SETSIP: variants seen among roughly 807,000 people sequenced by gnomAD.
The protein encoded by SETSIP is protein SETSIP.
In SETSIP, 15 loss-of-function variants were observed where a neutral mutation model predicts 21.9. The observed-to-expected ratio is 0.69, with a 90% CI of 0.46 to 1.06. SETSIP has a LOEUF of 1.06. Ranked by LOEUF, SETSIP falls within the 50% of genes least tolerant of loss-of-function variation. The pLI is 0.00. For synonymous variants in SETSIP, 101 were observed against 121.2 expected (o/e 0.83, Z 1.09); for missense variants, 310 against 337.4 (o/e 0.92, Z 0.64).
At chr1:92,074,651 C>CCATCATCATCATCAT (rs370013355) in exon 1 of SETSIP, 2 of 1,578,208 alleles carry the variant, frequency 1.3e-6, no homozygotes, top group Non-Finnish European at 1.7e-6. Context: ...CCCTTCATCA[C>CCATCATCATCATCAT]CATCATCATC....
chr1:92,074,539 A>G (rs574191197), exon 1 of SETSIP: 30 of 1,576,304 alleles, frequency 1.9e-5, no homozygotes, highest in Admixed American at 7.6e-5. Flanking sequence ...TCTATTAGTC[A>G]TCTTCTCCTT....
At chr1:92,074,723 A>G in exon 1 of SETSIP, 8 of 1,606,270 alleles carry the variant, frequency 5.0e-6, no homozygotes. Context: ...GTAATACTGT[A>G]ATGGGTTTGG....
exon 1 of SETSIP, chr1:92,075,052 C>T: frequency 6.2e-7 from 1 of 1,611,838 alleles, no homozygotes; most frequent in Non-Finnish European, 8.5e-7. Flanking sequence ...CAACTTTAGT[C>T]AAATAATGCA....
chr1:92,074,906 G>C, exon 1 of SETSIP: 1 of 1,611,650 alleles, frequency 6.2e-7, no homozygotes, highest in Non-Finnish European at 8.5e-7. Context: ...TTTGATTTTG[G>C]TGGACTTTGA....
chr1:92,074,779 A>C, exon 1 of SETSIP: 1 of 1,611,080 alleles, frequency 6.2e-7, no homozygotes, highest in Non-Finnish European at 8.5e-7. Context: ...CAGCACCTGC[A>C]TCAGAATGAT....
exon 1 of SETSIP, chr1:92,075,104 G>T (rs1417421962): frequency 1.2e-5 from 19 of 1,611,846 alleles, no homozygotes; most frequent in Non-Finnish European, 1.6e-5. Flanking sequence ...AGACACTTGT[G>T]GATGGTTGAC....
exon 1 of SETSIP, chr1:92,075,361 T>A: frequency 6.2e-7 from 1 of 1,608,828 alleles, no homozygotes; most frequent in Non-Finnish European, 8.5e-7. Context: ...CAGGAGGTGG[T>A]CTTGGTTTCT....
chr1:92,074,580 C>T, exon 1 of SETSIP: 1 of 1,566,974 alleles, frequency 6.4e-7, no homozygotes, highest in Non-Finnish European at 8.6e-7. Flanking sequence ...CCTTCATCAT[C>T]ATCTTCATCT....
chr1:92,075,180 G>A lies in SETSIP; in HGVS notation c.232C>T (p.Gln78Ter). ...TCTGACCTCTTCTGAAAAAATGGTT[G>A]GCGGAGTTTGTTATATTTCTGTTCT... Residue 78 changes from glutamine (Q) to a stop codon, truncating the protein, a stop_gained, in exon 1 of 1, where the codon CAA (glutamine) becomes TAA (stop). Transcript: ENST00000596516. LOFTEE classifies it high-confidence loss of function. The A allele has an allele frequency of 6.2e-7, 1 of 1,611,662 alleles. No homozygotes were observed. The highest frequency in any genetic ancestry group is 8.5e-7 in the Non-Finnish European group (1 of 1,179,750).
exon 1 of SETSIP, chr1:92,074,631 A>G: frequency 1.3e-6 from 2 of 1,570,654 alleles, no homozygotes; most frequent in Non-Finnish European, 1.7e-6. Context: ...ATATCTTCTA[A>G]TTCTTCCTCC....
exon 1 of SETSIP, chr1:92,075,146 G>A: frequency 3.1e-6 from 5 of 1,611,766 alleles, no homozygotes; most frequent in African/African-American, 1.3e-5. Context: ...TGGGATTTTG[G>A]CGATCAATTC....
exon 1 of SETSIP, chr1:92,075,038 A>T: frequency 6.2e-7 from 1 of 1,611,936 alleles, no homozygotes; most frequent in Non-Finnish European, 8.5e-7. Context: ...AAATTCTGTC[A>T]CTTCAACTTT....
exon 1 of SETSIP, chr1:92,074,737 A>G (rs1237303116): frequency 6.8e-6 from 11 of 1,608,170 alleles, no homozygotes; most frequent in Non-Finnish European, 9.3e-6. Flanking sequence ...GGTTTGGCCA[A>G]ATATCATCTT....
exon 1 of SETSIP, chr1:92,075,389 G>T: frequency 1.3e-6 from 2 of 1,596,128 alleles, no homozygotes; most frequent in East Asian, 4.5e-5. Context: ...AAGTGGGAGT[G>T]GAGACTGGCG....
In SETSIP at chr1:92,074,998, A is replaced by ATT; in HGVS notation, c.413_414insAA (p.Asp138GlufsTer22). 1.9e-6 allele frequency: 3 copies of ATT among 1,611,554 alleles called. No individual in the cohort carries two copies. The highest frequency in any genetic ancestry group is 2.2e-5 in the East Asian group (1 of 44,878). ...AGTAAGGATTTTCATCAAAATAAAA[A>ATT]TCTATTCTGTAACCTGATTTAATAT... On this transcript the variant is annotated frameshift_variant, in exon 1 of 1. Transcript: ENST00000596516. LOFTEE classifies it high-confidence loss of function.
exon 1 of SETSIP, chr1:92,075,076 C>G: frequency 1.2e-6 from 2 of 1,611,846 alleles, no homozygotes; most frequent in Non-Finnish European, 1.7e-6. Flanking sequence ...CCTCTTCGTC[C>G]TCCTCCCCAA....
At chr1:92,074,689 T>A in exon 1 of SETSIP, 3 of 1,594,714 alleles carry the variant, frequency 1.9e-6, no homozygotes. Flanking sequence ...CTCCTCCTTC[T>A]TCATCATCCA....
At chr1:92,074,760 C>G (rs1647804574) in exon 1 of SETSIP, 6 of 1,610,594 alleles carry the variant, frequency 3.7e-6, no homozygotes, top group Non-Finnish European at 5.1e-6. Flanking sequence ...ATGACCTCTT[C>G]TAACTCATCA....
rs569444534 is a variant in SETSIP, at chr1:92,075,311, G to A, written c.101C>T (p.Pro34Leu). The change falls in exon 1 of 1, where the codon CCG becomes CTG. Residue 34 changes from proline to leucine, a missense_variant. Pro to Leu is a moderately conservative substitution (Grantham distance 98). Transcript: ENST00000596516. Reference sequence around the variant, plus strand: ...TTGCTGTTCTTTTTCTCCCTTCTTCGGCAAGCCTGCAGAGGCCGATGTCTC... The same window carrying A: ...TTGCTGTTCTTTTTCTCCCTTCTTCAGCAAGCCTGCAGAGGCCGATGTCTC... 44 of 1,611,488 alleles carry A rather than the reference G, an allele frequency of 2.7e-5. No individual in the cohort carries two copies. In the East Asian group the frequency reaches 4.0e-4, roughly 15 times the overall value.
Sources: allele counts gnomAD v4.1 joint callset, GRCh38; gene constraint gnomAD v4.1.1; transcripts MANE v1.5; gene names NCBI Gene and HGNC (gene_info 2026-07-23, HGNC 2026-07-21).